Variants in GALNT11 observed in about 807,000 individuals in gnomAD.
GALNT11 encodes UDP-GalNAc:polypeptide N-acetylgalactosaminyltransferase 11.
Under a neutral mutation model 72.7 loss-of-function variants are expected in GALNT11, and 47 were observed. The observed-to-expected ratio is 0.65, with a 90% confidence interval of 0.51 to 0.82. The LOEUF (loss-of-function observed/expected upper bound fraction) is 0.82, where lower values mean the gene tolerates loss of function less well. Ranked by LOEUF, GALNT11 falls within the 40% of genes least tolerant of loss-of-function variation. The pLI, the probability that GALNT11 is intolerant of heterozygous loss-of-function variation, is 0.00. For missense variants in GALNT11, 677 were observed against 778.4 expected (o/e 0.87, Z 1.55); for synonymous variants, 270 against 286.6 (o/e 0.94, Z 0.58).
chr7:152,062,817 A>T (rs1587093175), intron 1 of GALNT11, among the ~76,000 whole-genome samples: 3 of 152,310 alleles, frequency 2.0e-5, no homozygotes. Context: ...GATGAAGCCC[A>T]CTTGATCATG....
In GALNT11 at chr7:152,108,074, T is replaced by C. The variant is rs1317579747; in HGVS notation, c.749T>C (p.Val250Ala). The change falls in exon 6 of 12, where the codon GTG (valine) becomes GCG (alanine). Residue 250 changes from valine to alanine, a missense_variant. Physicochemically the swap from Val to Ala is moderately conservative, Grantham distance 64. Transcript: ENST00000430044. ...VLVFLDSHCE[V>A]NVMWLQPLLA... Reference sequence around the variant, plus strand: ...GTGTTCCTGGACAGCCACTGTGAAGTGAATGTGATGTGGCTGCAGCCCTTG... The same window carrying C: ...GTGTTCCTGGACAGCCACTGTGAAGCGAATGTGATGTGGCTGCAGCCCTTG... 1 of 1,613,120 alleles carries C rather than the reference T, an allele frequency of 6.2e-7. No individual in the cohort carries two copies. Among genetic ancestry groups the C allele is most frequent in the Admixed American group, 1.7e-5 (1 of 60,000 alleles).
intron 1 of GALNT11, among the ~76,000 whole-genome samples, chr7:152,089,473 G>T (rs745968407): frequency 2.6e-5 from 4 of 152,206 alleles, no homozygotes; most frequent in Non-Finnish European, 4.4e-5. Flanking sequence ...TATCCCTTAT[G>T]CTGTTTGTTC....
chr7:152,083,240 T>G (rs964732195), intron 1 of GALNT11, among the ~76,000 whole-genome samples: 1 of 152,196 alleles, frequency 6.6e-6, no homozygotes, highest in Non-Finnish European at 1.5e-5. Flanking sequence ...AGAAAAATTT[T>G]GCCCAATCCC....
intron 1 of GALNT11, among the ~76,000 whole-genome samples, chr7:152,034,948 C>T (rs578025241): frequency 2.6e-5 from 4 of 152,210 alleles, no homozygotes; most frequent in African/African-American, 4.8e-5. Context: ...CTGTTAGGGT[C>T]CTAAGCATTC....
chr7:152,102,937 C>T (rs1221896358), intron 3 of GALNT11, among the ~76,000 whole-genome samples, 175 bp from the exon 4 acceptor site: 4 of 148,984 alleles, frequency 2.7e-5, no homozygotes, highest in South Asian at 2.1e-4. Context: ...GCCGAGATAG[C>T]GCCACTGCAC....
intron 1 of GALNT11, among the ~76,000 whole-genome samples, chr7:152,083,440 C>A (rs924100698): frequency 1.3e-5 from 2 of 152,042 alleles, no homozygotes; most frequent in African/African-American, 4.8e-5. Flanking sequence ...GTGATGTTTT[C>A]TTTATTTATA....
At chr7:152,112,125 C>A (rs2088288230) in intron 7 of GALNT11, among the ~76,000 whole-genome samples, 1 of 152,140 alleles carries the variant, frequency 6.6e-6, no homozygotes, top group Non-Finnish European at 1.5e-5. Context: ...AGCAAATATC[C>A]CAGTATTTCT....
At chr7:152,055,055 G>C (rs1294609276) in intron 1 of GALNT11, among the ~76,000 whole-genome samples, 1 of 152,212 alleles carries the variant, frequency 6.6e-6, no homozygotes, top group Non-Finnish European at 1.5e-5. Flanking sequence ...GTTGCAATTT[G>C]AGTCCAAAGG....
chr7:152,095,611 CCAA>C (rs1466626924), intron 2 of GALNT11, among the ~76,000 whole-genome samples: 69 of 152,228 alleles, frequency 4.5e-4, no homozygotes, highest in African/African-American at 2.4e-5. Flanking sequence ...CGTGATCTCA[CCAA>C]CTTCAATTTT....
chr7:152,078,743 GT>G (rs891546984), intron 1 of GALNT11, among the ~76,000 whole-genome samples: 14 of 151,920 alleles, frequency 9.2e-5, no homozygotes, highest in Admixed American at 5.2e-4. Flanking sequence ...TGAATTACAT[GT>G]TTTTTTTAAT....
chr7:152,112,431 C>T (rs538881481), intron 7 of GALNT11, among the ~76,000 whole-genome samples: 10 of 151,964 alleles, frequency 6.6e-5, no homozygotes, highest in Non-Finnish European at 1.2e-4. Context: ...ATCCCTGCTA[C>T]TCGGGAGGCT....
At chr7:152,070,202 T>C (rs994491891) in intron 1 of GALNT11, among the ~76,000 whole-genome samples, 1 of 152,110 alleles carries the variant, frequency 6.6e-6, no homozygotes, top group Admixed American at 6.5e-5. Flanking sequence ...TTTACTGTGT[T>C]AGCCAGGATG....
At chr7:152,095,551 CA>C (rs1226456708) in intron 2 of GALNT11, among the ~76,000 whole-genome samples, 1 of 152,082 alleles carries the variant, frequency 6.6e-6, no homozygotes, top group Non-Finnish European at 1.5e-5. Flanking sequence ...TATGAGGAAA[CA>C]AGCTAATATC....
At chr7:152,116,000 G>GAAT (rs2088809379) in intron 8 of GALNT11, among the ~76,000 whole-genome samples, 1 of 152,146 alleles carries the variant, frequency 6.6e-6, no homozygotes, top group Non-Finnish European at 1.5e-5. Context: ...AGGTTGTGGT[G>GAAT]TGCCGAGATC....
At chr7:152,086,034 C>T (rs1377411054) in intron 1 of GALNT11, among the ~76,000 whole-genome samples, 1 of 151,954 alleles carries the variant, frequency 6.6e-6, no homozygotes, top group Non-Finnish European at 1.5e-5. Flanking sequence ...ATTAGAGGCA[C>T]GTGCCACCAT....
rs532703032 is a variant in GALNT11 at position 152,032,852 on chromosome 7, G to A, written c.-39+6968G>A. Among the ~76,000 whole-genome samples the A allele has an allele frequency of 7.4e-4, 112 of 152,292 alleles. 1 individual carries two copies. The highest frequency in any genetic ancestry group is 2.3e-3 in the African/African-American group (97 of 41,566). On this transcript the variant is annotated intron_variant, in intron 1 of 11. Coordinates refer to ENST00000430044, the MANE Select transcript of GALNT11 (RefSeq NM_022087.4). Reference sequence around the variant, plus strand: ...TAATAAGGGTGTGGGACTTTCAGGCGTGACAAGAAAGGTGTGTGAAAAGAG... The same window carrying A: ...TAATAAGGGTGTGGGACTTTCAGGCATGACAAGAAAGGTGTGTGAAAAGAG...
At chr7:152,066,282 T>A (rs2084307726) in intron 1 of GALNT11, among the ~76,000 whole-genome samples, 1 of 152,214 alleles carries the variant, frequency 6.6e-6, no homozygotes, top group African/African-American at 2.4e-5. Context: ...CTAAGACCAT[T>A]GGAAGAGCAC....
chr7:152,060,926 A>G (rs575146193), intron 1 of GALNT11, among the ~76,000 whole-genome samples: 2,229 of 152,318 alleles, frequency 0.015, 53 homozygotes, highest in African/African-American at 0.05. Flanking sequence ...TAGTGACACA[A>G]TAAACATACG....
At position 152,120,452 on chromosome 7, in the gene GALNT11, G is replaced by A. The variant is rs138879636; in HGVS notation, c.1558-379G>A. The A allele has an allele frequency of 2.7e-3, 521 of 192,334 alleles. 2 individuals carry two copies. Among genetic ancestry groups the A allele is most frequent in the African/African-American group, 0.011 (446 of 41,938 alleles). The allele number at this position is 192,334 out of a possible 1,614,324, so 11.9% of individuals were successfully genotyped here. A position where few individuals can be genotyped will look rare whatever the true frequency, so the allele number is the denominator to read the frequency against. ...CTGACTGCCCCGATGAGGCATCGACGAAAATGGCAGCCGTGTGCCCTTCTG... is the reference window on the plus strand; with the variant it reads ...CTGACTGCCCCGATGAGGCATCGACAAAAATGGCAGCCGTGTGCCCTTCTG... On this transcript the variant is annotated intron_variant, in intron 10 of 11. Coordinates refer to ENST00000430044, the MANE Select transcript of GALNT11 (RefSeq NM_022087.4).
Sources: gnomAD v4.1 joint callset for allele counts (sites outside exome capture counted in the v4.1 genomes callset) on GRCh38, gnomAD v4.1.1 for gene constraint, MANE v1.5 for transcripts, NCBI Gene and HGNC (gene_info 2026-07-23, HGNC 2026-07-21) for gene names.